WDR35: variants seen among roughly 807,000 people sequenced by gnomAD.
WDR35 encodes WD repeat-containing protein 35.
WDR35 carries 118 observed loss-of-function variants against 158.3 expected under a neutral mutation model. The observed-to-expected ratio is 0.75, with a 90% CI of 0.64 to 0.87. The LOEUF is 0.87. Ranked by LOEUF, WDR35 falls within the 40% of genes least tolerant of loss-of-function variation. The pLI, the probability that WDR35 is intolerant of heterozygous loss-of-function variation, is 0.00. For synonymous variants in WDR35, 448 were observed against 476.1 expected (o/e 0.94, Z 0.77); for missense variants, 1,263 against 1,405.8 (o/e 0.90, Z 1.62).
chr2:19,969,969 G>A (rs1213498064), intron 8 of WDR35, among the ~76,000 whole-genome samples: 2 of 151,986 alleles, frequency 1.3e-5, no homozygotes, highest in African/African-American at 2.4e-5. Context: ...GGATGGTCTC[G>A]ATCTCCTGAC....
At chr2:19,945,538 CA>C (rs1671017823) in intron 16 of WDR35, among the ~76,000 whole-genome samples, 1 of 152,018 alleles carries the variant, frequency 6.6e-6, no homozygotes, top group African/African-American at 2.4e-5. Context: ...TTAAAAAGAA[CA>C]GATAAATAAA....
chr2:19,945,282 G>A (rs923181057), intron 16 of WDR35, among the ~76,000 whole-genome samples: 2 of 152,108 alleles, frequency 1.3e-5, no homozygotes, highest in Admixed American at 1.3e-4. Flanking sequence ...TTGCATATTT[G>A]TAAGAATATC....
chr2:19,941,718 C>T, intron 17 of WDR35, 41 bp downstream of exon 17: 10 of 1,410,054 alleles, frequency 7.1e-6, no homozygotes, highest in Non-Finnish European at 8.8e-6. Context: ...AAATAATCCC[C>T]TGTCAAGCTA....
chr2:19,937,923 A>G lies in WDR35; in HGVS notation c.2087T>C (p.Leu696Pro). ...TGCAGTGTATAGATCCAGTTTCTGA[A>G]GAGCTGCTTCAGCCAGTAGGCGCCT... ...RLWRLLAEAALQKLDLYTAEQ... is the reference protein window; with the variant it reads ...RLWRLLAEAAPQKLDLYTAEQ... The change falls in exon 19 of 27, where the codon CTT becomes CCT. Residue 696 changes from leucine to proline, a missense_variant. Physicochemically the swap from Leu to Pro is moderately conservative, Grantham distance 98. Coordinates refer to ENST00000281405, the MANE Select transcript of WDR35 (RefSeq NM_020779.4). 5.0e-6 allele frequency: 8 copies of G among 1,614,158 alleles called. No individual in the cohort carries two copies. Among genetic ancestry groups the G allele is most frequent in the Non-Finnish European group, 6.8e-6 (8 of 1,180,004 alleles).
intron 8 of WDR35, among the ~76,000 whole-genome samples, chr2:19,970,882 T>A (rs2103450179): frequency 6.6e-6 from 1 of 152,254 alleles, no homozygotes; most frequent in African/African-American, 2.4e-5. Context: ...CCTGCCTTCT[T>A]CCCCCATTCT....
intron 11 of WDR35, among the ~76,000 whole-genome samples, chr2:19,954,992 GC>G (rs1671378186): frequency 6.6e-6 from 1 of 152,030 alleles, no homozygotes; most frequent in Admixed American, 6.5e-5. Context: ...TCACTCTGTC[GC>G]CCAGGCTGGA....
chr2:19,989,056 C>A, intron 2 of WDR35, 109 bp downstream of exon 2: 2 of 984,862 alleles, frequency 2.0e-6, no homozygotes, highest in South Asian at 2.6e-5. Flanking sequence ...TGGTAGTTTT[C>A]CCTTTAAAAT....
chr2:19,984,205 C>T (rs888655891), intron 2 of WDR35, among the ~76,000 whole-genome samples: 2 of 152,100 alleles, frequency 1.3e-5, no homozygotes, highest in Non-Finnish European at 2.9e-5. Context: ...TGAAATTCAG[C>T]TTGATATATT....
intron 6 of WDR35, among the ~76,000 whole-genome samples, chr2:19,975,087 G>A (rs1672161662): frequency 2.0e-5 from 3 of 151,942 alleles, no homozygotes; most frequent in African/African-American, 7.3e-5. Flanking sequence ...TTCTTTCCAG[G>A]GATTGATTTT....
At chr2:19,956,128 T>G (rs1004603859) in intron 11 of WDR35, among the ~76,000 whole-genome samples, 4 of 152,188 alleles carry the variant, frequency 2.6e-5, no homozygotes, top group African/African-American at 9.7e-5. Context: ...CTTAAGAATT[T>G]TTTAAATATT....
rs1187632714 is a variant in WDR35, at chr2:19,933,498, A to T, written c.2561T>A (p.Met854Lys). The change falls in exon 22 of 27, where the codon ATG (methionine) becomes AAG (lysine). Residue 854 changes from methionine to lysine, a missense_variant. By Grantham distance (95) the Met-to-Lys change is moderately conservative. Coordinates refer to ENST00000281405, the MANE Select transcript of WDR35 (RefSeq NM_020779.4). ...NHKLLPEIAQ[M>K]FVRVGMCEQA... Reference sequence around the variant, plus strand: ...TTCACACATTCCAACTCTGACAAACATTTGTGCTATTTCCTGTACAAACAA... The same window carrying T: ...TTCACACATTCCAACTCTGACAAACTTTTGTGCTATTTCCTGTACAAACAA... The T allele has an allele frequency of 1.2e-6, 2 of 1,613,546 alleles. No individual in the cohort carries two copies. Among genetic ancestry groups the T allele is most frequent in the Admixed American group, 1.7e-5 (1 of 59,988 alleles).
chr2:19,956,095 C>A (rs886084243), intron 11 of WDR35, among the ~76,000 whole-genome samples: 8 of 152,038 alleles, frequency 5.3e-5, no homozygotes, highest in Non-Finnish European at 1.2e-4. Context: ...GCTCTCCTTT[C>A]CCTGACCTGG....
At chr2:19,987,628 C>T (rs574831197) in intron 2 of WDR35, among the ~76,000 whole-genome samples, 2 of 151,984 alleles carry the variant, frequency 1.3e-5, no homozygotes, top group South Asian at 2.1e-4. Flanking sequence ...TCAAGACCAT[C>T]CTGGCTAACA....
intron 12 of WDR35, 25 bp downstream of exon 12, chr2:19,953,809 A>G: frequency 6.2e-7 from 1 of 1,613,756 alleles, no homozygotes; most frequent in Non-Finnish European, 8.5e-7. Context: ...TTGAGCTACT[A>G]AAAAGTATGT....
chr2:19,980,718 G>T lies in WDR35; in HGVS notation c.280C>A (p.Leu94Ile). 2 of 1,613,574 alleles carry T rather than the reference G, an allele frequency of 1.2e-6. No individual in the cohort carries two copies. Among genetic ancestry groups the T allele is most frequent in the Non-Finnish European group, 1.7e-6 (2 of 1,179,670 alleles). ...TTATATAACATCCACACAATGATAA[G>T]CCCGTTTTCATCACTGGTAGTCAAC... ...QKLTTSDENG[L>I]IIVWMLYKGS... The change falls in exon 4 of 27, where the codon CTT (leucine) becomes ATT (isoleucine). Residue 94 changes from leucine to isoleucine, a missense_variant. Leu to Ile is a conservative substitution (Grantham distance 5, BLOSUM62 2). Coordinates refer to ENST00000281405, the MANE Select transcript of WDR35 (RefSeq NM_020779.4).
At chr2:19,928,896 T>A (rs1572321122) in intron 25 of WDR35, among the ~76,000 whole-genome samples, 1 of 151,778 alleles carries the variant, frequency 6.6e-6, no homozygotes, top group Non-Finnish European at 1.5e-5. Flanking sequence ...AAGCTCCGCC[T>A]CCCAGGTTCA....
At chr2:19,915,665 A>G (rs987335084) in intron 25 of WDR35, among the ~76,000 whole-genome samples, 1 of 151,916 alleles carries the variant, frequency 6.6e-6, no homozygotes, top group Non-Finnish European at 1.5e-5. Flanking sequence ...CCAATTAGAA[A>G]AAAAATTTAC....
chr2:19,970,366 C>T (rs567522286), intron 8 of WDR35, among the ~76,000 whole-genome samples: 1 of 152,270 alleles, frequency 6.6e-6, no homozygotes, highest in Admixed American at 6.5e-5. Flanking sequence ...AGTCCTACTG[C>T]TTTTACTCCT....
At chr2:19,944,229 T>C (rs992891792) in intron 16 of WDR35, among the ~76,000 whole-genome samples, 3 of 152,026 alleles carry the variant, frequency 2.0e-5, no homozygotes, top group Non-Finnish European at 4.4e-5. Flanking sequence ...TTTTAAGAAA[T>C]CCATCTAGCT....
Sources: gnomAD v4.1 joint callset for allele counts (sites outside exome capture counted in the v4.1 genomes callset) on GRCh38, gnomAD v4.1.1 for gene constraint, MANE v1.5 for transcripts, NCBI Gene and HGNC (gene_info 2026-07-23, HGNC 2026-07-21) for gene names.